Variants in PLCH1 observed in about 807,000 individuals in gnomAD.
PLCH1 encodes 1-phosphatidylinositol 4,5-bisphosphate phosphodiesterase eta-1.
A neutral mutation model predicts 126.7 loss-of-function variants in PLCH1; 60 were observed. The observed-to-expected ratio is 0.47, with a 90% CI of 0.38 to 0.59. The LOEUF (loss-of-function observed/expected upper bound fraction) is 0.59. Among genes scored for constraint, PLCH1 ranks in the 20% least tolerant of loss-of-function variants. The pLI is 0.00. For synonymous variants in PLCH1, 719 were observed against 734.9 expected (o/e 0.98, Z 0.35); for missense variants, 1,723 against 2,040.0 (o/e 0.84, Z 2.99).
intron 2 of PLCH1, chr3:155,658,701 T>C (rs1197742307): frequency 6.6e-6 from 1 of 152,240 alleles, no homozygotes; most frequent in African/African-American, 2.4e-5. Flanking sequence ...AAAAGTTTAT[T>C]TCTCTAGTCA....
At chr3:155,516,542 G>T (rs2108253011) in intron 11 of PLCH1, among the ~76,000 whole-genome samples, 1 of 152,236 alleles carries the variant, frequency 6.6e-6, no homozygotes, top group East Asian at 1.9e-4. Flanking sequence ...CAAGAGGTAT[G>T]GAGCTGCTAA....
chr3:155,714,523 T>C (rs371880521), intron 1 of PLCH1, among the ~76,000 whole-genome samples: 1 of 152,202 alleles, frequency 6.6e-6, no homozygotes, highest in East Asian at 1.9e-4. Flanking sequence ...CTCCCAGCTA[T>C]GTACACAAAG....
intron 2 of PLCH1, among the ~76,000 whole-genome samples, chr3:155,612,479 A>G (rs965289400): frequency 3.9e-5 from 6 of 152,132 alleles, no homozygotes; most frequent in Non-Finnish European, 7.3e-5. Flanking sequence ...GAAGAAAAGA[A>G]AAAGAAATAA....
intron 21 of PLCH1, among the ~76,000 whole-genome samples, chr3:155,469,122 C>T (rs549935065): frequency 7.2e-5 from 11 of 152,278 alleles, no homozygotes; most frequent in Admixed American, 4.6e-4. Context: ...CCAACGTGAG[C>T]GACGCAGAAG....
chr3:155,556,171 G>A (rs1242054216), intron 8 of PLCH1, among the ~76,000 whole-genome samples: 2 of 152,166 alleles, frequency 1.3e-5, no homozygotes, highest in Admixed American at 6.5e-5. Flanking sequence ...TGGCCAACAT[G>A]GTGAAACCCC....
intron 5 of PLCH1, among the ~76,000 whole-genome samples, chr3:155,584,862 G>A (rs918808836): frequency 1.3e-5 from 2 of 151,954 alleles, no homozygotes; most frequent in Non-Finnish European, 2.9e-5. Context: ...CTTTAGGATT[G>A]GCCTCTTACA....
downstream of PLCH1, among the ~76,000 whole-genome samples, chr3:155,475,104 T>C (rs1713481053): frequency 6.7e-6 from 1 of 148,504 alleles, no homozygotes; most frequent in Non-Finnish European, 1.5e-5. Flanking sequence ...AAAAATGGAA[T>C]AATATCAAGC....
intron 9 of PLCH1, among the ~76,000 whole-genome samples, chr3:155,550,275 T>C (rs1176007209): frequency 6.6e-6 from 1 of 152,176 alleles, no homozygotes; most frequent in Admixed American, 6.5e-5. Context: ...TTAAAAGAGA[T>C]GAGAAGTCTA....
chr3:155,513,987 A>C (rs933123114), intron 12 of PLCH1, among the ~76,000 whole-genome samples: 2 of 152,174 alleles, frequency 1.3e-5, no homozygotes, highest in African/African-American at 4.8e-5. Context: ...CATGTAACTC[A>C]TGGGGCTATT....
At chr3:155,679,438 G>C (rs562777707) in intron 2 of PLCH1, among the ~76,000 whole-genome samples, 5 of 152,314 alleles carry the variant, frequency 3.3e-5, no homozygotes. Context: ...CAAGGGCCTA[G>C]CCCCAGTGGC....
At chr3:155,659,302 CTTTTTTTTTTTTTTTTTTTTTT>C (rs753258422) in intron 2 of PLCH1, among the ~76,000 whole-genome samples, 1,566 of 30,848 alleles carry the variant, frequency 0.051, 73 homozygotes, top group African/African-American at 0.13. Context: ...CTATTCACTT[CTTTTTTTTTTTTTTTTTTTTTT>C]TTTTTTTTTT....
intron 1 of PLCH1, among the ~76,000 whole-genome samples, chr3:155,708,920 T>C (rs1385679748): frequency 6.6e-6 from 1 of 152,220 alleles, no homozygotes; most frequent in Non-Finnish European, 1.5e-5. Context: ...CCCTAAAGTC[T>C]GCTATGCTCT....
chr3:155,711,985 C>A (rs1170855804), intron 1 of PLCH1, among the ~76,000 whole-genome samples: 2 of 152,192 alleles, frequency 1.3e-5, no homozygotes, highest in Non-Finnish European at 2.9e-5. Flanking sequence ...ATTTGCCACA[C>A]CTGAAGCTAG....
chr3:155,486,565 C>T (rs371327809), intron 21 of PLCH1, among the ~76,000 whole-genome samples: 2,374 of 146,410 alleles, frequency 0.016, 69 homozygotes, highest in African/African-American at 0.058. Context: ...TCGCCCAGGC[C>T]GGACTGCGGA....
chr3:155,568,447 T>G, intron 6 of PLCH1, 123 bp from the exon 7 acceptor site: 1 of 468,382 alleles, frequency 2.1e-6, no homozygotes, highest in Non-Finnish European at 3.9e-6. Flanking sequence ...TGAGCATTGT[T>G]TGGGGTTATT....
rs548153804 is a variant in PLCH1, at chr3:155,565,504, G to A, written c.866-386C>T. On this transcript the variant is annotated intron_variant, in intron 7 of 22. Transcript: ENST00000460012. ...TCTCTCCTGCTCCAGCTCAAGCCAC[G>A]TGACCTGTTTCCTCCCACTTCACCT... Among the ~76,000 whole-genome samples, 41 of 151,980 alleles carry A rather than the reference G, an allele frequency of 2.7e-4. 1 individual carries two copies. In the South Asian group the frequency reaches 7.1e-3, roughly 26 times the overall value.
At chr3:155,534,711 G>C (rs1723123636) in intron 10 of PLCH1, among the ~76,000 whole-genome samples, 1 of 152,152 alleles carries the variant, frequency 6.6e-6, no homozygotes, top group South Asian at 2.1e-4. Flanking sequence ...CACATTTCTT[G>C]GGAGAGACCT....
chr3:155,681,257 CTAATA>C (rs1744509725), intron 2 of PLCH1, among the ~76,000 whole-genome samples: 1 of 152,164 alleles, frequency 6.6e-6, no homozygotes, highest in Admixed American at 6.5e-5. Context: ...TCTCTTCCCA[CTAATA>C]TAATATGGAA....
At chr3:155,471,361 C>A (rs1406111672) in intron 21 of PLCH1, among the ~76,000 whole-genome samples, 1 of 152,028 alleles carries the variant, frequency 6.6e-6, no homozygotes, top group Non-Finnish European at 1.5e-5. Context: ...GGGATCAATT[C>A]AACAAGAAGA....
Sources: gnomAD v4.1 joint callset for allele counts (sites outside exome capture counted in the v4.1 genomes callset) on GRCh38, gnomAD v4.1.1 for gene constraint, MANE v1.5 for transcripts, NCBI Gene and HGNC (gene_info 2026-07-23, HGNC 2026-07-21) for gene names.